Variants in CPE observed in about 807,000 individuals in gnomAD.
The protein encoded by CPE is carbocypeptidase E.
In CPE, 17 loss-of-function variants were observed where a neutral mutation model predicts 53.5. That is an observed-to-expected ratio of 0.32 (90% CI 0.22 to 0.48). The LOEUF (loss-of-function observed/expected upper bound fraction) is 0.48, where lower values mean the gene tolerates loss of function less well. CPE is among the 20% of genes least tolerant of loss of function. The pLI, the probability that CPE is intolerant of heterozygous loss-of-function variation, is 0.99. For synonymous variants in CPE, 226 were observed against 228.8 expected, an observed-to-expected ratio of 0.99 and a Z score of 0.11; for missense variants, 524 against 614.7, an observed-to-expected ratio of 0.85 and a Z score of 1.56.
At chr4:165,443,974 G>A (rs937576686) in intron 1 of CPE, among the ~76,000 whole-genome samples, 2 of 152,094 alleles carry the variant, frequency 1.3e-5, no homozygotes, top group Non-Finnish European at 2.9e-5. Context: ...CATAAAGGGG[G>A]CCTTTAGCAA....
At chr4:165,476,512 A>G (rs973137138) in intron 3 of CPE, among the ~76,000 whole-genome samples, 1 of 151,850 alleles carries the variant, frequency 6.6e-6, no homozygotes, top group African/African-American at 2.4e-5. Flanking sequence ...GTGCGCATGT[A>G]TGAACCCATT....
chr4:165,431,711 CT>C (rs1375551071), intron 1 of CPE, among the ~76,000 whole-genome samples: 4 of 152,038 alleles, frequency 2.6e-5, no homozygotes, highest in Non-Finnish European at 2.9e-5. Flanking sequence ...ACTTTTGGAA[CT>C]TTTTGGCAGA....
rs975081165 is a variant in CPE, at chr4:165,473,304, G to T, written c.672+5449G>T. ...AGATCCTTTCTCATATAAAACTTCT[G>T]TTCTTTATAATCTGCCTTACCAAAA... On this transcript the variant is annotated intron_variant, in intron 3 of 8. Coordinates refer to ENST00000402744, the MANE Select transcript of CPE (RefSeq NM_001873.4). Among the ~76,000 whole-genome samples, 11 of 143,504 alleles carry T rather than the reference G, an allele frequency of 7.7e-5. No homozygotes were observed. The East Asian group carries it at 2.1e-3, about 27-fold the overall frequency. The allele number at this position is 143,504 out of a possible 152,430, so 94.1% of individuals were successfully genotyped here.
intron 1 of CPE, among the ~76,000 whole-genome samples, chr4:165,457,897 G>T (rs1378095772): frequency 6.6e-6 from 1 of 151,818 alleles, no homozygotes; most frequent in South Asian, 2.1e-4. Context: ...CTACCCCCTC[G>T]TGTTGTTTAT....
At chr4:165,462,409 T>C (rs140181516) in intron 1 of CPE, among the ~76,000 whole-genome samples, 12 of 152,294 alleles carry the variant, frequency 7.9e-5, no homozygotes, top group African/African-American at 2.2e-4. Context: ...CCAAGCTTTA[T>C]TGAGTGACAT....
chr4:165,431,766 G>A (rs1234839831), intron 1 of CPE, among the ~76,000 whole-genome samples: 1 of 152,090 alleles, frequency 6.6e-6, no homozygotes, highest in East Asian at 1.9e-4. Context: ...TATGAAGACA[G>A]TAAAATATGG....
At chr4:165,380,246 G>C (rs1427852027) in intron 1 of CPE, among the ~76,000 whole-genome samples, 1 of 152,160 alleles carries the variant, frequency 6.6e-6, no homozygotes, top group East Asian at 1.9e-4. Flanking sequence ...ACCAGATTTT[G>C]AAACTGCACA....
chr4:165,381,031 C>G (rs1212989981), intron 1 of CPE, among the ~76,000 whole-genome samples: 4 of 152,188 alleles, frequency 2.6e-5, no homozygotes, highest in African/African-American at 4.8e-5. Context: ...TGTGAGTCTC[C>G]TGCTGCTTAC....
At chr4:165,484,307 T>G in intron 4 of CPE, 115 bp from the exon 5 acceptor site, 1 of 947,846 alleles carries the variant, frequency 1.1e-6, no homozygotes, top group Non-Finnish European at 1.6e-6. Context: ...CATAGTTATG[T>G]AGCTAAAAAA....
intron 6 of CPE, among the ~76,000 whole-genome samples, chr4:165,491,813 C>T (rs576945317): frequency 1.1e-3 from 166 of 152,064 alleles, no homozygotes; most frequent in African/African-American, 3.8e-3. Flanking sequence ...GTACCACTGC[C>T]GAATTTATTC....
At chr4:165,429,409 T>C (rs1048547764) in intron 1 of CPE, among the ~76,000 whole-genome samples, 1 of 152,222 alleles carries the variant, frequency 6.6e-6, no homozygotes, top group African/African-American at 2.4e-5. Flanking sequence ...TTAAACATAC[T>C]TTAAAAATTA....
intron 1 of CPE, among the ~76,000 whole-genome samples, chr4:165,445,627 T>A (rs1193707760): frequency 2.0e-5 from 3 of 152,208 alleles, no homozygotes; most frequent in Admixed American, 1.3e-4. Flanking sequence ...AAGAAAGATG[T>A]ACTTATTGAC....
chr4:165,432,194 G>A (rs1731419881), intron 1 of CPE, among the ~76,000 whole-genome samples: 1 of 152,210 alleles, frequency 6.6e-6, no homozygotes. Flanking sequence ...TGTTTTGTGA[G>A]CATAGCTACA....
chr4:165,446,524 G>A (rs1229164889), intron 1 of CPE, among the ~76,000 whole-genome samples: 6 of 152,164 alleles, frequency 3.9e-5, no homozygotes, highest in Non-Finnish European at 7.3e-5. Context: ...TTTTGAGACA[G>A]GGTCTTGCTC....
chr4:165,439,717 G>A (rs2126684310), intron 1 of CPE, among the ~76,000 whole-genome samples: 1 of 152,156 alleles, frequency 6.6e-6, no homozygotes, highest in East Asian at 1.9e-4. Flanking sequence ...TGATACTAAT[G>A]AGAAAATATA....
chr4:165,497,010 C>T (rs1019917899), intron 8 of CPE, among the ~76,000 whole-genome samples: 3 of 152,146 alleles, frequency 2.0e-5, no homozygotes, highest in Admixed American at 6.5e-5. Context: ...GCAAGCTCTG[C>T]CTCCCGGGTT....
rs146481755 is a variant in CPE at position 165,476,606 on chromosome 4, G to A, written c.673-5636G>A. ...TCTATTGGGAGACTGCCTTTCGCTG[G>A]CGCCTGCTGCAACCAATTATTATTT... is the stretch of plus-strand genomic sequence containing the variant. On this transcript the variant is annotated intron_variant, in intron 3 of 8. Transcript: ENST00000402744. 2.1e-4 allele frequency among the ~76,000 whole-genome samples: 32 copies of A among 152,080 alleles called. 1 individual carries two copies. The East Asian group carries it at 6.2e-3, about 29-fold the overall frequency.
At chr4:165,390,957 G>A (rs1265880189) in intron 1 of CPE, among the ~76,000 whole-genome samples, 2 of 152,134 alleles carry the variant, frequency 1.3e-5, no homozygotes, top group Non-Finnish European at 2.9e-5. Context: ...TTCTGAGTAT[G>A]CTTTTTAATA....
rs1192272341 is a variant in CPE at position 165,464,695 on chromosome 4, A to C, written c.504+109A>C. The C allele has an allele frequency of 4.5e-6, 4 of 895,096 alleles. No homozygotes were observed. In the East Asian group the frequency reaches 1.1e-4, roughly 25 times the overall value. 55.4% of individuals were successfully genotyped at this position (895,096 alleles called of 1,614,324 possible). On this transcript the variant is annotated intron_variant, in intron 2 of 8. Transcript: ENST00000402744. The stretch of plus-strand genomic sequence containing the variant: ...CTCGCACAAAGCTTACAGATGGTGC[A>C]GTGGAGGGCATAAGTGATGCATTCA...
Sources: allele counts gnomAD v4.1 joint callset (sites outside exome capture counted in the v4.1 genomes callset), GRCh38; gene constraint gnomAD v4.1.1; transcripts MANE v1.5; gene names NCBI Gene and HGNC (gene_info 2026-07-23, HGNC 2026-07-21).